The following EYS variants were observed in gnomAD, a reference collection of about 807,000 sequenced individuals.
EYS encodes EGF-like photoreceptor maintenance factor.
EYS carries 250 observed loss-of-function variants against 282.1 expected under a neutral mutation model. That is an observed-to-expected ratio of 0.89 (90% CI 0.80 to 0.98). The LOEUF (loss-of-function observed/expected upper bound fraction) is 0.98, where lower values mean the gene tolerates loss of function less well. Ranked by LOEUF, EYS falls within the 50% of genes least tolerant of loss-of-function variation. EYS has a pLI of 0.00. For synonymous variants in EYS, 1,355 were observed against 1,282.9 expected, an observed-to-expected ratio of 1.06 and a Z score of -1.20; for missense variants, 4,016 against 3,709.0, an observed-to-expected ratio of 1.08 and a Z score of -2.15.
At chr6:64,645,052 T>G (rs1768300469) in intron 22 of EYS, among the ~76,000 whole-genome samples, 1 of 152,222 alleles carries the variant, frequency 6.6e-6, no homozygotes. Context: ...TTCATCAGAA[T>G]ATTATTTTAC....
At chr6:63,743,147 AT>A (rs952298433) in intron 41 of EYS, among the ~76,000 whole-genome samples, 4 of 152,062 alleles carry the variant, frequency 2.6e-5, no homozygotes, top group Non-Finnish European at 5.9e-5. Context: ...CATTGTCATT[AT>A]TTTTTAATTT....
At chr6:65,425,644 C>A (rs550692097) in intron 5 of EYS, among the ~76,000 whole-genome samples, 1 of 152,140 alleles carries the variant, frequency 6.6e-6, no homozygotes, top group East Asian at 1.9e-4. Flanking sequence ...TGAGGTTATC[C>A]TTCCATTAGA....
At chr6:64,066,003 C>A (rs971829753) in intron 33 of EYS, among the ~76,000 whole-genome samples, 9 of 152,108 alleles carry the variant, frequency 5.9e-5, no homozygotes, top group Non-Finnish European at 1.0e-4. Flanking sequence ...GTGGCTCATG[C>A]CCGTAATCCC....
intron 30 of EYS, among the ~76,000 whole-genome samples, chr6:64,244,589 C>A (rs1241689847): frequency 6.6e-6 from 1 of 152,096 alleles, no homozygotes; most frequent in Admixed American, 6.5e-5. Flanking sequence ...CTCTCACATT[C>A]ACTTTATAGT....
chr6:64,481,725 TAGA>T (rs901783512), intron 26 of EYS, among the ~76,000 whole-genome samples: 1 of 151,542 alleles, frequency 6.6e-6, no homozygotes, highest in Non-Finnish European at 1.5e-5. Context: ...CGGTGTTACA[TAGA>T]AGATCAAAAT....
intron 31 of EYS, among the ~76,000 whole-genome samples, chr6:64,212,197 CTAA>C (rs994006666): frequency 2.0e-5 from 3 of 151,784 alleles, no homozygotes; most frequent in Non-Finnish European, 2.9e-5. Context: ...TGTGTAATTT[CTAA>C]TAATCTCATC....
intron 19 of EYS, among the ~76,000 whole-genome samples, chr6:64,825,814 C>T (rs554870420): frequency 6.6e-6 from 1 of 151,780 alleles, no homozygotes; most frequent in Admixed American, 6.6e-5. Flanking sequence ...AAATAATTAC[C>T]AACCTATTCA....
chr6:63,996,150 A>ATATTTTTGAAT (rs1250025596), intron 34 of EYS, among the ~76,000 whole-genome samples: 2 of 152,066 alleles, frequency 1.3e-5, no homozygotes. Flanking sequence ...CAATTTTTTA[A>ATATTTTTGAAT]AAGAAAGAAA....
intron 37 of EYS, chr6:63,797,515 A>T (rs1770675723): frequency 6.6e-6 from 1 of 152,202 alleles, no homozygotes. Flanking sequence ...ATTTTGGATT[A>T]ACTCTTAAAG....
chr6:63,830,469 A>G (rs1012648230), intron 36 of EYS, among the ~76,000 whole-genome samples: 2 of 152,348 alleles, frequency 1.3e-5, no homozygotes, highest in South Asian at 4.1e-4. Context: ...AAAGGGTATC[A>G]GTGATTGAAG....
At chr6:64,192,149 G>A (rs1217229090) in intron 31 of EYS, among the ~76,000 whole-genome samples, 2 of 145,218 alleles carry the variant, frequency 1.4e-5, no homozygotes, top group African/African-American at 2.5e-5. Context: ...GTCTGTTCAT[G>A]TCCTTCGCCC....
At chr6:64,966,774 C>A (rs533913954) in intron 14 of EYS, among the ~76,000 whole-genome samples, 1 of 152,298 alleles carries the variant, frequency 6.6e-6, no homozygotes, top group East Asian at 1.9e-4. Flanking sequence ...TTAGGACACA[C>A]ACAGATAATC....
intron 29 of EYS, among the ~76,000 whole-genome samples, chr6:64,316,216 A>C (rs1306770150): frequency 6.6e-6 from 1 of 152,200 alleles, no homozygotes; most frequent in Non-Finnish European, 1.5e-5. Context: ...AGTTCTGGCC[A>C]GGGCAATGAG....
chr6:64,878,747 G>A (rs1379009695), intron 19 of EYS, among the ~76,000 whole-genome samples: 2 of 149,224 alleles, frequency 1.3e-5, no homozygotes, highest in Non-Finnish European at 3.0e-5. Flanking sequence ...TGGGAACATG[G>A]GAAATAAGGA....
chr6:64,462,526 T>C (rs1775781138), intron 26 of EYS, among the ~76,000 whole-genome samples: 1 of 152,044 alleles, frequency 6.6e-6, no homozygotes, highest in Non-Finnish European at 1.5e-5. Flanking sequence ...TAGTGGAAGT[T>C]TTAATCCACT....
At chr6:65,055,680 G>A (rs1426283068) in intron 13 of EYS, among the ~76,000 whole-genome samples, 1 of 151,936 alleles carries the variant, frequency 6.6e-6, no homozygotes, top group East Asian at 1.9e-4. Context: ...TTCTAGTCAA[G>A]TATTTTTTAG....
chr6:64,341,398 A>G (rs915709983), intron 29 of EYS, among the ~76,000 whole-genome samples: 15 of 151,962 alleles, frequency 9.9e-5, no homozygotes, highest in African/African-American at 3.4e-4. Context: ...TTGCAGCAGC[A>G]TGGATATGGC....
chr6:65,463,247 A>T (rs1291064375), intron 5 of EYS, among the ~76,000 whole-genome samples: 1 of 151,880 alleles, frequency 6.6e-6, no homozygotes, highest in African/African-American at 2.4e-5. Flanking sequence ...CCCCTGACAC[A>T]CTCCTGGTTG....
intron 2 of EYS, among the ~76,000 whole-genome samples, chr6:65,581,519 CAATACT>C (rs1764871037): frequency 6.6e-6 from 1 of 152,046 alleles, no homozygotes; most frequent in African/African-American, 2.4e-5. Flanking sequence ...TGCCAATGTT[CAATACT>C]TGGTGTGCCA....
Sources: allele counts gnomAD v4.1 joint callset (sites outside exome capture counted in the v4.1 genomes callset), GRCh38; gene constraint gnomAD v4.1.1; transcripts MANE v1.5; gene names NCBI Gene and HGNC (gene_info 2026-07-23, HGNC 2026-07-21).